Variants in PDZRN4 observed in about 807,000 individuals in gnomAD.
PDZRN4 encodes PDZ domain-containing RING finger protein 4.
In PDZRN4, 70 loss-of-function variants were observed where a neutral mutation model predicts 99.0. The observed-to-expected ratio is 0.71, with a 90% CI of 0.58 to 0.86. PDZRN4 has a LOEUF of 0.86. Ranked by LOEUF, PDZRN4 falls within the 40% of genes least tolerant of loss-of-function variation. The pLI is 0.00. For synonymous variants in PDZRN4, 551 were observed against 501.6 expected (o/e 1.10, Z -1.32); for missense variants, 1,474 against 1,331.2 (o/e 1.11, Z -1.67).
At chr12:41,457,601 G>C (rs1220745330) in intron 3 of PDZRN4, among the ~76,000 whole-genome samples, 1 of 152,146 alleles carries the variant, frequency 6.6e-6, no homozygotes, top group Non-Finnish European at 1.5e-5. Flanking sequence ...TTTGAGTCAT[G>C]TGGTTATACC....
chr12:41,491,599 T>A (rs1937887693), intron 3 of PDZRN4, among the ~76,000 whole-genome samples: 2 of 152,176 alleles, frequency 1.3e-5, no homozygotes, highest in Non-Finnish European at 2.9e-5. Context: ...GTTTTTTGCC[T>A]GTGCCTTCAT....
chr12:41,548,798 T>A (rs1022683475), intron 5 of PDZRN4, among the ~76,000 whole-genome samples: 1 of 152,128 alleles, frequency 6.6e-6, no homozygotes, highest in Non-Finnish European at 1.5e-5. Context: ...CACAAAAAAA[T>A]ATAAAAATTT....
chr12:41,338,171 T>G (rs1473167757), intron 3 of PDZRN4, among the ~76,000 whole-genome samples: 1 of 152,160 alleles, frequency 6.6e-6, no homozygotes, highest in Non-Finnish European at 1.5e-5. Flanking sequence ...AGTATGCGAC[T>G]ATAGTATATA....
rs1950710742 is a variant in PDZRN4 at position 41,188,686 on chromosome 12, G to A, written c.231G>A (p.Leu77=). 1 of 1,559,292 alleles carries A rather than the reference G, an allele frequency of 6.4e-7. No individual in the cohort carries two copies. Among genetic ancestry groups the A allele is most frequent in the South Asian group, 1.2e-5 (1 of 85,776 alleles). Residue 77 remains leucine, a synonymous_variant, in exon 1 of 10, where the codon CTG becomes CTA. Coordinates refer to ENST00000402685, the MANE Select transcript of PDZRN4 (RefSeq NM_001164595.2). The part of the protein sequence containing the change: ...VLPLRSLIQK[L]RVQCDYRARG... ...CGCTGCGCAGCCTCATCCAGAAGCT[G>A]CGAGTCCAGTGCGACTACCGCGCCC...
intron 3 of PDZRN4, among the ~76,000 whole-genome samples, chr12:41,476,346 C>T (rs769732256): frequency 6.6e-6 from 1 of 152,102 alleles, no homozygotes; most frequent in Admixed American, 6.6e-5. Flanking sequence ...GGTAGAATCA[C>T]AATTAGAGAT....
chr12:41,273,031 T>G (rs112077664), intron 3 of PDZRN4, among the ~76,000 whole-genome samples: 48 of 152,114 alleles, frequency 3.2e-4, no homozygotes, highest in Non-Finnish European at 6.0e-4. Context: ...CGCATTTCCT[T>G]GTTGTTTTGC....
At chr12:41,553,438 G>T (rs1374405841) in intron 6 of PDZRN4, among the ~76,000 whole-genome samples, 1 of 152,114 alleles carries the variant, frequency 6.6e-6, no homozygotes, top group Non-Finnish European at 1.5e-5. Flanking sequence ...AATTAAGGCT[G>T]GGCACAGTGG....
intron 3 of PDZRN4, among the ~76,000 whole-genome samples, chr12:41,468,562 T>C (rs779232635): frequency 6.6e-6 from 1 of 152,222 alleles, no homozygotes; most frequent in Non-Finnish European, 1.5e-5. Flanking sequence ...CTTACTCGCA[T>C]TCATCCACTA....
At chr12:41,525,710 A>G (rs987887849) in intron 5 of PDZRN4, among the ~76,000 whole-genome samples, 2 of 152,164 alleles carry the variant, frequency 1.3e-5, no homozygotes, top group African/African-American at 2.4e-5. Flanking sequence ...AAAGGAAAAA[A>G]TGGAAAAGAA....
rs374609266 is a variant in PDZRN4, at chr12:41,267,837, C to T, written c.843+73649C>T. ...GTCTGGGCAACAGAGCAAAATCAGT[C>T]TCAAAATGAAACAAACAAACAAACA... On this transcript the variant is annotated intron_variant, in intron 3 of 9. Transcript: ENST00000402685. 1.6e-3 allele frequency among the ~76,000 whole-genome samples: 239 copies of T among 152,034 alleles called. 1 individual carries two copies. In the South Asian group the frequency reaches 0.018, roughly 12 times the overall value.
intron 5 of PDZRN4, among the ~76,000 whole-genome samples, chr12:41,552,274 A>G (rs574995901): frequency 8.3e-4 from 126 of 152,086 alleles, no homozygotes; most frequent in African/African-American, 2.5e-3. Context: ...TGTAATAGTA[A>G]CTCCTCATGT....
At chr12:41,245,902 C>T (rs572704394) in intron 3 of PDZRN4, among the ~76,000 whole-genome samples, 39 of 152,242 alleles carry the variant, frequency 2.6e-4, no homozygotes, top group African/African-American at 8.9e-4. Context: ...TTAGATGTGG[C>T]TCAGTCCAGT....
rs77012786 is a variant in PDZRN4, at chr12:41,211,775, T to C, written c.843+17587T>C. On this transcript the variant is annotated intron_variant, in intron 3 of 9. Transcript: ENST00000402685. The stretch of plus-strand genomic sequence containing the variant: ...GTTTAGGCAAAATAAAAGCCACTTA[T>C]ACTAGCTAAAATAGAAATGAAAACA... 6.8e-3 allele frequency among the ~76,000 whole-genome samples: 1,041 copies of C among 152,138 alleles called. 6 individuals are homozygous for C. Among genetic ancestry groups the C allele is most frequent in the Non-Finnish European group, 0.011 (781 of 67,942 alleles).
chr12:41,464,846 CAG>C (rs1952909701), intron 3 of PDZRN4, among the ~76,000 whole-genome samples: 1 of 113,758 alleles, frequency 8.8e-6, no homozygotes, highest in Non-Finnish European at 1.7e-5. Flanking sequence ...TTTTTTGAGA[CAG>C]AGTCTTGCTC....
At chr12:41,552,807 G>A (rs1458112750) in intron 6 of PDZRN4, 53 bp downstream of exon 6, 3 of 1,358,186 alleles carry the variant, frequency 2.2e-6, no homozygotes, top group East Asian at 4.6e-5. Context: ...GAAGAACAGA[G>A]CGAAATGACT....
At chr12:41,485,437 C>T (rs1370175774) in intron 3 of PDZRN4, among the ~76,000 whole-genome samples, 2 of 152,104 alleles carry the variant, frequency 1.3e-5, no homozygotes, top group South Asian at 2.1e-4. Context: ...CAGGACTCAC[C>T]GGAGGTGTTG....
chr12:41,345,836 T>C lies in PDZRN4; in HGVS notation c.843+151648T>C, dbSNP rs181241069. Among the ~76,000 whole-genome samples the C allele has an allele frequency of 2.0e-5, 3 of 152,298 alleles. No homozygotes were observed. In the East Asian group the frequency reaches 5.8e-4, roughly 29 times the overall value. On this transcript the variant is annotated intron_variant, in intron 3 of 9. Coordinates refer to ENST00000402685, the MANE Select transcript of PDZRN4 (RefSeq NM_001164595.2). ...TAAACTTCTGCAAATGATCACTGTT[T>C]TCCAATTGGATTGTGTGTAATATAT...
chr12:41,324,263 A>G (rs977619655), intron 3 of PDZRN4, among the ~76,000 whole-genome samples: 1 of 152,080 alleles, frequency 6.6e-6, no homozygotes, highest in African/African-American at 2.4e-5. Flanking sequence ...ATATCTTACT[A>G]TACAAAAAAA....
intron 3 of PDZRN4, among the ~76,000 whole-genome samples, chr12:41,329,226 C>G (rs1453285343): frequency 6.6e-6 from 1 of 152,014 alleles, no homozygotes; most frequent in Non-Finnish European, 1.5e-5. Flanking sequence ...TGAAGCATTC[C>G]CAGTTGCTTG....
Sources: gnomAD v4.1 joint callset for allele counts (sites outside exome capture counted in the v4.1 genomes callset) on GRCh38, gnomAD v4.1.1 for gene constraint, MANE v1.5 for transcripts, NCBI Gene and HGNC (gene_info 2026-07-23, HGNC 2026-07-21) for gene names.